RPS6KC1: variants seen among roughly 807,000 people sequenced by gnomAD.
The protein encoded by RPS6KC1 is ribosomal protein S6 kinase C1, also known as inactive ribosomal protein S6 kinase delta-1.
A neutral mutation model predicts 103.8 loss-of-function variants in RPS6KC1; 54 were observed. That is an observed-to-expected ratio of 0.52 (90% CI 0.42 to 0.65). The LOEUF (loss-of-function observed/expected upper bound fraction) is 0.65. RPS6KC1 is among the 30% of genes least tolerant of loss of function. RPS6KC1 has a pLI of 0.00. For missense variants in RPS6KC1, 1,151 were observed against 1,253.8 expected, an observed-to-expected ratio of 0.92 and a Z score of 1.24; for synonymous variants, 439 against 438.7, an observed-to-expected ratio of 1.00 and a Z score of -0.01.
At chr1:213,666,362 C>T in the RPS6KC1 span, among the ~76,000 whole-genome samples, 1 of 152,178 alleles carries the variant, frequency 6.6e-6, no homozygotes, top group Non-Finnish European at 1.5e-5. Flanking sequence ...ACAACTTCCA[C>T]ATCGCATGGC....
intron 6 of RPS6KC1, among the ~76,000 whole-genome samples, chr1:213,159,140 G>T (rs2090210166): frequency 6.6e-6 from 1 of 151,868 alleles, no homozygotes; most frequent in African/African-American, 2.4e-5. Flanking sequence ...TTAAACTTCT[G>T]TTGATACTCA....
intron 8 of RPS6KC1, among the ~76,000 whole-genome samples, chr1:213,185,947 T>C (rs1207089188): frequency 2.6e-5 from 4 of 151,584 alleles, no homozygotes. Context: ...CAAGAGACAG[T>C]TCATCTTAGG....
the RPS6KC1 span, among the ~76,000 whole-genome samples, chr1:213,396,571 T>C: frequency 6.6e-6 from 1 of 152,258 alleles, no homozygotes; most frequent in East Asian, 1.9e-4. Context: ...GGGGGCAGCT[T>C]TGAAAGCTTT....
At chr1:213,861,564 G>T in the RPS6KC1 span, among the ~76,000 whole-genome samples, 2 of 152,278 alleles carry the variant, frequency 1.3e-5, no homozygotes, top group East Asian at 1.9e-4. Context: ...CAAAACAGCC[G>T]CTATGGCCAT....
At chr1:213,536,508 C>T in the RPS6KC1 span, among the ~76,000 whole-genome samples, 5 of 151,548 alleles carry the variant, frequency 3.3e-5, no homozygotes, top group Admixed American at 1.3e-4. Flanking sequence ...TTTCCAGTGC[C>T]TAGGACAACA....
the RPS6KC1 span, among the ~76,000 whole-genome samples, chr1:213,694,865 G>A: frequency 6.6e-6 from 1 of 152,196 alleles, no homozygotes; most frequent in African/African-American, 2.4e-5. Flanking sequence ...TGCATTTCAG[G>A]TATGAGGGAT....
At chr1:213,844,773 T>C in the RPS6KC1 span, among the ~76,000 whole-genome samples, 2 of 152,194 alleles carry the variant, frequency 1.3e-5, no homozygotes, top group East Asian at 1.9e-4. Context: ...AGAAAGGCTA[T>C]AAATACGCTG....
At chr1:213,371,661 T>C in the RPS6KC1 span, among the ~76,000 whole-genome samples, 2 of 152,226 alleles carry the variant, frequency 1.3e-5, no homozygotes, top group African/African-American at 4.8e-5. Flanking sequence ...GGTTGGCAAA[T>C]ATTTAAAAAT....
At chr1:213,455,193 C>T in the RPS6KC1 span, among the ~76,000 whole-genome samples, 1 of 152,162 alleles carries the variant, frequency 6.6e-6, no homozygotes, top group Non-Finnish European at 1.5e-5. Context: ...AAATTGAGTG[C>T]TGGCTGTCCT....
At chr1:213,057,414 G>C (rs533657571) in intron 1 of RPS6KC1, among the ~76,000 whole-genome samples, 1 of 152,070 alleles carries the variant, frequency 6.6e-6, no homozygotes, top group Non-Finnish European at 1.5e-5. Flanking sequence ...ATCTTAACAT[G>C]AGTATAAATT....
the RPS6KC1 span, among the ~76,000 whole-genome samples, chr1:213,373,107 G>A: frequency 2.0e-5 from 3 of 152,230 alleles, no homozygotes; most frequent in East Asian, 1.9e-4. Flanking sequence ...ATCCTCTAAC[G>A]AAAAAGCATT....
At chr1:213,447,924 T>C in the RPS6KC1 span, among the ~76,000 whole-genome samples, 1 of 152,096 alleles carries the variant, frequency 6.6e-6, no homozygotes, top group Admixed American at 6.5e-5. Flanking sequence ...TAAATGCATT[T>C]GTATTGTATT....
chr1:213,665,059 T>G, the RPS6KC1 span, among the ~76,000 whole-genome samples: 3 of 152,118 alleles, frequency 2.0e-5, no homozygotes, highest in Admixed American at 6.5e-5. Context: ...ACTTTAGAGA[T>G]TATCTTATTT....
chr1:213,823,048 G>A, the RPS6KC1 span, among the ~76,000 whole-genome samples: 210 of 152,192 alleles, frequency 1.4e-3, 2 homozygotes, highest in Non-Finnish European at 1.9e-3. Flanking sequence ...GGCCCTGCCC[G>A]TGTCTCTAAT....
At chr1:213,635,927 A>T in the RPS6KC1 span, among the ~76,000 whole-genome samples, 1 of 152,262 alleles carries the variant, frequency 6.6e-6, no homozygotes, top group African/African-American at 2.4e-5. Context: ...AAGTCTCAGG[A>T]TACAAAATCA....
At chr1:213,503,957 T>C in the RPS6KC1 span, among the ~76,000 whole-genome samples, 4 of 152,188 alleles carry the variant, frequency 2.6e-5, no homozygotes. Context: ...TTACATAGCA[T>C]TGTTTATAAT....
the RPS6KC1 span, among the ~76,000 whole-genome samples, chr1:213,837,947 G>C: frequency 6.6e-6 from 1 of 151,420 alleles, no homozygotes; most frequent in African/African-American, 2.4e-5. Context: ...AGTCAAAATT[G>C]CATGGAAAAC....
At chr1:213,054,573 G>A (rs1029123353) in intron 1 of RPS6KC1, among the ~76,000 whole-genome samples, 3 of 152,134 alleles carry the variant, frequency 2.0e-5, no homozygotes, top group Non-Finnish European at 2.9e-5. Context: ...CTAGCTTCAA[G>A]GAACAATTTT....
the RPS6KC1 span, among the ~76,000 whole-genome samples, chr1:213,319,222 C>T: frequency 8.3e-5 from 12 of 144,652 alleles, no homozygotes; most frequent in Non-Finnish European, 4.5e-5. Flanking sequence ...ACAAGAATAG[C>T]TTGAAGCTTG....
Sources: gnomAD v4.1 joint callset for allele counts (sites outside exome capture counted in the v4.1 genomes callset) on GRCh38, gnomAD v4.1.1 for gene constraint, MANE v1.5 for transcripts, NCBI Gene and HGNC (gene_info 2026-07-23, HGNC 2026-07-21) for gene names.